DLGAP1: variants seen among roughly 807,000 people sequenced by gnomAD.
DLGAP1 encodes disks large-associated protein 1.
A neutral mutation model predicts 90.8 loss-of-function variants in DLGAP1; 11 were observed. That is an observed-to-expected ratio of 0.12 (90% CI 0.08 to 0.20). The LOEUF (loss-of-function observed/expected upper bound fraction) is 0.20, where lower values mean the gene tolerates loss of function less well. DLGAP1 is among the 10% of genes least tolerant of loss of function. The pLI is 1.00. For synonymous variants in DLGAP1, 558 were observed against 540.7 expected (o/e 1.03, Z -0.44); for missense variants, 1,050 against 1,333.8 (o/e 0.79, Z 3.31).
chr18:4,381,961 C>A (rs965864126), intron 1 of DLGAP1, among the ~76,000 whole-genome samples: 5 of 152,030 alleles, frequency 3.3e-5, no homozygotes, highest in African/African-American at 1.2e-4. Flanking sequence ...GGAGTGATAG[C>A]CAAGTGAAAG....
intron 2 of DLGAP1, among the ~76,000 whole-genome samples, chr18:4,046,683 C>A (rs980791292): frequency 8.5e-5 from 13 of 152,194 alleles, no homozygotes; most frequent in African/African-American, 3.1e-4. Flanking sequence ...GAAAAATAAA[C>A]AACTGATTAA....
chr18:3,657,185 T>C (rs1019472131), intron 7 of DLGAP1, among the ~76,000 whole-genome samples: 10 of 152,228 alleles, frequency 6.6e-5, no homozygotes, highest in African/African-American at 2.4e-4. Flanking sequence ...GTCATGATCA[T>C]TTAGGCTGAA....
chr18:3,971,936 G>A (rs1016947134), intron 3 of DLGAP1, among the ~76,000 whole-genome samples: 1 of 152,092 alleles, frequency 6.6e-6, no homozygotes, highest in Non-Finnish European at 1.5e-5. Context: ...GTAAAGTGCT[G>A]GTCCAGTTGA....
Position 3,806,129 on chromosome 18 carries a change from G to C in DLGAP1, c.1172+7930C>G, listed in dbSNP as rs551870536. 5.9e-5 allele frequency among the ~76,000 whole-genome samples: 9 copies of C among 152,244 alleles called. No homozygotes were observed. The South Asian group carries it at 1.9e-3, about 32-fold the overall frequency. Reference sequence around the variant, plus strand: ...CCTGCAAAATGTCTTCCATCTGCATGCATAAGAAGAATTTCTTTAATAATA... The same window carrying C: ...CCTGCAAAATGTCTTCCATCTGCATCCATAAGAAGAATTTCTTTAATAATA... On this transcript the variant is annotated intron_variant, in intron 5 of 12. Transcript: ENST00000315677.
At chr18:4,178,202 AACACACACACACACACACAC>A (rs59444096) in intron 1 of DLGAP1, among the ~76,000 whole-genome samples, 44 of 118,410 alleles carry the variant, frequency 3.7e-4, no homozygotes, top group South Asian at 1.0e-3. Context: ...TCCTGGAATA[AACACACACACACACACACAC>A]ACACACACAC....
At chr18:3,512,874 T>C (rs1338729322) in intron 10 of DLGAP1, among the ~76,000 whole-genome samples, 1 of 152,208 alleles carries the variant, frequency 6.6e-6, no homozygotes, top group Non-Finnish European at 1.5e-5. Context: ...TTTACTGTGG[T>C]AAGAACACTT....
In DLGAP1 at chr18:4,094,989, C is replaced by T. The variant is rs189199739; in HGVS notation, c.-159+56191G>A. 2.0e-3 allele frequency among the ~76,000 whole-genome samples: 306 copies of T among 152,224 alleles called. 1 individual carries two copies. The highest frequency in any genetic ancestry group is 3.7e-3 in the Non-Finnish European group (254 of 68,010). On this transcript the variant is annotated intron_variant, in intron 2 of 12. Transcript: ENST00000315677. ...CATTTTAAATAATAAAACAAGGGTG[C>T]ACTCCTCCATGCCCTTCTTCCCGTT... is the stretch of plus-strand genomic sequence containing the variant.
intron 7 of DLGAP1, among the ~76,000 whole-genome samples, chr18:3,673,987 C>T (rs2060195972): frequency 6.6e-6 from 1 of 152,032 alleles, no homozygotes; most frequent in Non-Finnish European, 1.5e-5. Context: ...GGATTACAGG[C>T]ACCCACCACC....
At chr18:4,236,464 T>C (rs947476310) in intron 1 of DLGAP1, among the ~76,000 whole-genome samples, 1 of 152,198 alleles carries the variant, frequency 6.6e-6, no homozygotes, top group Admixed American at 6.5e-5. Context: ...CTTGTGCTTT[T>C]ACACCTCTTC....
intron 4 of DLGAP1, among the ~76,000 whole-genome samples, chr18:3,819,834 C>T (rs569054296): frequency 2.8e-4 from 43 of 152,168 alleles, no homozygotes; most frequent in South Asian, 1.0e-3. Flanking sequence ...TGATAAACTA[C>T]AAAGCACATA....
intron 1 of DLGAP1, among the ~76,000 whole-genome samples, chr18:4,300,480 T>C (rs1439549451): frequency 6.6e-6 from 1 of 152,118 alleles, no homozygotes; most frequent in Non-Finnish European, 1.5e-5. Context: ...CCAAACACAA[T>C]TACACGCCTC....
intron 1 of DLGAP1, among the ~76,000 whole-genome samples, chr18:4,440,739 T>C (rs536916462): frequency 3.9e-5 from 6 of 152,366 alleles, no homozygotes; most frequent in African/African-American, 1.4e-4. Context: ...TACATGTGTC[T>C]AATCTTCATT....
chr18:4,348,616 C>T (rs760290313), intron 1 of DLGAP1, among the ~76,000 whole-genome samples: 3 of 151,970 alleles, frequency 2.0e-5, no homozygotes, highest in Non-Finnish European at 4.4e-5. Context: ...ATAACCTTCA[C>T]AGAAAGGTTG....
rs373348459 is a variant in DLGAP1 at position 3,741,842 on chromosome 18, T to C, written c.1350+493A>G. Among the ~76,000 whole-genome samples the C allele has an allele frequency of 1.9e-4, 11 of 57,210 alleles. No individual in the cohort carries two copies. The South Asian group carries it at 5.1e-3, about 26-fold the overall frequency. 37.5% of individuals were successfully genotyped at this position (57,210 alleles called of 152,430 possible). On this transcript the variant is annotated intron_variant, in intron 6 of 12. Coordinates refer to ENST00000315677, the MANE Select transcript of DLGAP1 (RefSeq NM_004746.4). Reference sequence around the variant, plus strand: ...TTTAAAAGCCGAAGTTTTCTTTTTCTTTTTCTTTTTTTTTAACAGAGAAAG... The same window carrying C: ...TTTAAAAGCCGAAGTTTTCTTTTTCCTTTTCTTTTTTTTTAACAGAGAAAG...
At chr18:4,160,192 A>C (rs558739764) in intron 1 of DLGAP1, among the ~76,000 whole-genome samples, 38 of 152,356 alleles carry the variant, frequency 2.5e-4, no homozygotes, top group African/African-American at 8.9e-4. Context: ...TTTATCAAAC[A>C]AGCATTGGGA....
At chr18:3,580,874 C>G in intron 8 of DLGAP1, 1 of 1,031,720 alleles carries the variant, frequency 9.7e-7, no homozygotes. Context: ...CCGGTTGTAC[C>G]CTGCAGTAGC....
Position 3,729,068 on chromosome 18 carries a change from A to T in DLGAP1, c.1591+67T>A. The T allele has an allele frequency of 6.5e-7, 1 of 1,531,038 alleles. No homozygotes were observed. Among genetic ancestry groups the T allele is most frequent in the Non-Finnish European group, 8.8e-7 (1 of 1,139,820 alleles). The allele number at this position is 1,531,038 out of a possible 1,614,324, so 94.8% of individuals were successfully genotyped here. A position where few individuals can be genotyped will look rare whatever the true frequency, so the allele number is the denominator to read the frequency against. ...CTATGTGTGTTGACAGCAAGGGCAC[A>T]GTCTTTGGGGACAGTCGTGCCATAG... On this transcript the variant is annotated intron_variant, in intron 7 of 12. Transcript: ENST00000315677. This position sits in a 1 kb window ranked among gnomAD's most constrained non-coding sequence, Gnocchi z 6.2.
chr18:3,853,297 G>C (rs2069446098), intron 4 of DLGAP1, among the ~76,000 whole-genome samples: 2 of 152,132 alleles, frequency 1.3e-5, no homozygotes, highest in Admixed American at 1.3e-4. Context: ...CTTGGAACCA[G>C]AAAGGTTTTG....
At chr18:4,357,517 T>C (rs74820041) in intron 1 of DLGAP1, among the ~76,000 whole-genome samples, 457 of 152,344 alleles carry the variant, frequency 3.0e-3, no homozygotes, top group Non-Finnish European at 4.6e-3. Context: ...TGTCTAAATC[T>C]TGCCTGGAAC....
Sources: gnomAD v4.1 joint callset for allele counts (sites outside exome capture counted in the v4.1 genomes callset) on GRCh38, gnomAD v4.1.1 for gene constraint, Gnocchi (gnomAD v3.1) non-coding constraint, MANE v1.5 for transcripts, NCBI Gene and HGNC (gene_info 2026-07-23, HGNC 2026-07-21) for gene names.